Variants in ARFGEF2 observed in about 807,000 individuals in gnomAD.
ARFGEF2 encodes ARF guanine nucleotide exchange factor 2.
In ARFGEF2, 74 loss-of-function variants were observed where a neutral mutation model predicts 219.9. The observed-to-expected ratio is 0.34, with a 90% CI of 0.28 to 0.41. The LOEUF (loss-of-function observed/expected upper bound fraction) is 0.41, where lower values mean the gene tolerates loss of function less well. Among genes scored for constraint, ARFGEF2 ranks in the 10% least tolerant of loss-of-function variants. ARFGEF2 has a pLI of 1.00. For missense variants in ARFGEF2, 1,743 were observed against 2,218.3 expected, an observed-to-expected ratio of 0.79 and a Z score of 4.30; for synonymous variants, 733 against 799.2, an observed-to-expected ratio of 0.92 and a Z score of 1.40.
At chr20:48,962,260 T>C (rs1297552247) in intron 6 of ARFGEF2, among the ~76,000 whole-genome samples, 3 of 152,230 alleles carry the variant, frequency 2.0e-5, no homozygotes, top group African/African-American at 7.2e-5. Context: ...TATACAGAAC[T>C]GCATGTGCTA....
Position 48,998,517 on chromosome 20 carries a change from A to G in ARFGEF2, c.3432+12A>G. On this transcript the variant is annotated intron_variant, in intron 25 of 38. Coordinates refer to ENST00000371917, the MANE Select transcript of ARFGEF2 (RefSeq NM_006420.3). ...ATCACTTCAATAAGGTAACTCTTCA[A>G]ATTTAAAAACCATTCCTGTTAAAAA... is the stretch of plus-strand genomic sequence containing the variant. 6.2e-7 allele frequency: 1 copy of G among 1,607,982 alleles called. No homozygotes were observed. Among genetic ancestry groups the G allele is most frequent in the Non-Finnish European group, 8.5e-7 (1 of 1,178,986 alleles).
At chr20:48,996,551 A>G (rs1288065126) in intron 23 of ARFGEF2, among the ~76,000 whole-genome samples, 1 of 152,044 alleles carries the variant, frequency 6.6e-6, no homozygotes, top group Non-Finnish European at 1.5e-5. Context: ...ATCCTGGCCA[A>G]CATGGTGAAA....
chr20:48,971,489 TACC>T (rs1299430852), intron 10 of ARFGEF2, 135 bp downstream of exon 10: 29 of 849,234 alleles, frequency 3.4e-5, no homozygotes, highest in Non-Finnish European at 5.0e-5. Flanking sequence ...TTTCATATCT[TACC>T]ATCCTGGAAC....
chr20:48,923,790 A>G (rs887675924), intron 1 of ARFGEF2, among the ~76,000 whole-genome samples: 3 of 152,242 alleles, frequency 2.0e-5, no homozygotes, highest in Non-Finnish European at 4.4e-5. Flanking sequence ...AGTGTGCATC[A>G]TATTATTGGA....
rs1222462952 is a variant in ARFGEF2 at position 48,963,758 on chromosome 20, T to G, written c.839-72T>G. ...TTCTGAAATGTAACTCCCCATAATC[T>G]CCTTTTCCTCTCTTCCTTTGTTTTT... On this transcript the variant is annotated intron_variant, in intron 6 of 38. Coordinates refer to ENST00000371917, the MANE Select transcript of ARFGEF2 (RefSeq NM_006420.3). 6 of 1,470,348 alleles carry G rather than the reference T, an allele frequency of 4.1e-6. No individual in the cohort carries two copies. In the African/African-American group the frequency reaches 8.3e-5, roughly 20 times the overall value. 91.1% of individuals were successfully genotyped at this position (1,470,348 alleles called of 1,614,324 possible).
At chr20:49,018,748 A>T in intron 33 of ARFGEF2, 136 bp from the exon 34 acceptor site, 1 of 702,778 alleles carries the variant, frequency 1.4e-6, no homozygotes, top group Non-Finnish European at 2.6e-6. Context: ...TACATTAAGC[A>T]TGTAGTATCA....
chr20:49,018,313 A>G (rs1438079272), intron 33 of ARFGEF2, among the ~76,000 whole-genome samples: 2 of 151,804 alleles, frequency 1.3e-5, no homozygotes, highest in African/African-American at 4.8e-5. Flanking sequence ...GCTCACTGCA[A>G]CCTCCACCTC....
intron 12 of ARFGEF2, among the ~76,000 whole-genome samples, chr20:48,973,653 A>G (rs1260304205): frequency 6.6e-6 from 1 of 152,216 alleles, no homozygotes; most frequent in African/African-American, 2.4e-5. Flanking sequence ...CCAGTCTGCA[A>G]TAGGGGCAAA....
intron 4 of ARFGEF2, among the ~76,000 whole-genome samples, chr20:48,952,148 C>CTTTTTTTT (rs11475141): frequency 3.6e-5 from 2 of 55,444 alleles, no homozygotes; most frequent in African/African-American, 1.5e-4. Flanking sequence ...GAAGTTTGGC[C>CTTTTTTTT]TTTTTTTTTT....
rs1430524743 is a variant in ARFGEF2, at chr20:48,979,895, T to TC, written c.1958+3697dup. The stretch of plus-strand genomic sequence containing the variant: ...TCTTCTTTATTAGTCTTGCTAGCAG[T>TC]CTATCAATTTTGTTGATCTTTTTTA... On this transcript the variant is annotated intron_variant, in intron 14 of 38. Coordinates refer to ENST00000371917, the MANE Select transcript of ARFGEF2 (RefSeq NM_006420.3). Among the ~76,000 whole-genome samples, 9 of 152,296 alleles carry TC rather than the reference T, an allele frequency of 5.9e-5. No individual in the cohort carries two copies. The East Asian group carries it at 1.5e-3, about 26-fold the overall frequency.
At chr20:48,943,272 A>G (rs569446974) in intron 3 of ARFGEF2, among the ~76,000 whole-genome samples, 3 of 152,354 alleles carry the variant, frequency 2.0e-5, no homozygotes, top group African/African-American at 7.2e-5. Flanking sequence ...ATGACCAAAA[A>G]AGCCCCAGAC....
intron 2 of ARFGEF2, 69 bp downstream of exon 2, chr20:48,941,298 C>G: frequency 1.3e-6 from 2 of 1,502,224 alleles, no homozygotes; most frequent in South Asian, 2.3e-5. Context: ...GGGGGAGCCT[C>G]TTTCTCTGCT....
At chr20:48,945,311 G>A (rs558076378) in intron 3 of ARFGEF2, among the ~76,000 whole-genome samples, 5 of 152,286 alleles carry the variant, frequency 3.3e-5, no homozygotes, top group South Asian at 4.1e-4. Flanking sequence ...GTGACCTAGC[G>A]GAGTAGCTGT....
chr20:48,965,035 T>C (rs974165157), intron 7 of ARFGEF2, among the ~76,000 whole-genome samples: 5 of 152,228 alleles, frequency 3.3e-5, no homozygotes, highest in African/African-American at 1.2e-4. Context: ...TCTTTTTGTT[T>C]AGGTACCACA....
intron 1 of ARFGEF2, among the ~76,000 whole-genome samples, chr20:48,940,418 TCATC>T (rs2090986215): frequency 6.6e-6 from 1 of 152,236 alleles, no homozygotes; most frequent in Non-Finnish European, 1.5e-5. Flanking sequence ...GAAAAAATCA[TCATC>T]CCACTACTTA....
chr20:49,002,167 G>T (rs1297332033), intron 25 of ARFGEF2, among the ~76,000 whole-genome samples: 1 of 152,206 alleles, frequency 6.6e-6, no homozygotes, highest in Non-Finnish European at 1.5e-5. Context: ...GAACCCGGGG[G>T]GTGGAGGTTG....
At chr20:48,922,072 C>T (rs979019432) in intron 1 of ARFGEF2, 62 bp downstream of exon 1, 1 of 1,533,726 alleles carries the variant, frequency 6.5e-7, no homozygotes, top group South Asian at 1.2e-5. Context: ...TTGCCCTATC[C>T]TACTCGGCCT....
intron 27 of ARFGEF2, among the ~76,000 whole-genome samples, chr20:49,011,501 G>A (rs1429617244): frequency 6.6e-6 from 1 of 152,220 alleles, no homozygotes. Flanking sequence ...ACCAGGACTT[G>A]CACTCGGGCA....
chr20:48,941,343 C>T (rs555607149), intron 2 of ARFGEF2, 114 bp downstream of exon 2: 2 of 1,111,974 alleles, frequency 1.8e-6, no homozygotes, highest in African/African-American at 1.5e-5. Flanking sequence ...AGGGGTGGCA[C>T]ACACTCTGCA....
Sources: allele counts gnomAD v4.1 joint callset (sites outside exome capture counted in the v4.1 genomes callset), GRCh38; gene constraint gnomAD v4.1.1; transcripts MANE v1.5; gene names NCBI Gene and HGNC (gene_info 2026-07-23, HGNC 2026-07-21).